NDE1: variants seen among roughly 807,000 people sequenced by gnomAD.
NDE1 encodes nudE neurodevelopment protein 1, also known as nuclear distribution protein nudE homolog 1.
Under a neutral mutation model 43.4 loss-of-function variants are expected in NDE1, and 28 were observed. That is an observed-to-expected ratio of 0.65 (90% confidence interval 0.48 to 0.89). The LOEUF (loss-of-function observed/expected upper bound fraction) is 0.89, where lower values mean the gene tolerates loss of function less well. Among genes scored for constraint, NDE1 ranks in the 40% least tolerant of loss-of-function variants. NDE1 has a pLI of 0.00. For missense variants in NDE1, 441 were observed against 434.1 expected (o/e 1.02, Z -0.14); for synonymous variants, 184 against 172.0 (o/e 1.07, Z -0.55).
At chr16:15,663,140 G>A (rs1317408880) in intron 1 of NDE1, among the ~76,000 whole-genome samples, 1 of 151,838 alleles carries the variant, frequency 6.6e-6, no homozygotes, top group Non-Finnish European at 1.5e-5. Context: ...TTCAACCCAG[G>A]CTTACCAGAC....
At chr16:15,685,950 A>T (rs1321786455) in intron 4 of NDE1, among the ~76,000 whole-genome samples, 1 of 150,760 alleles carries the variant, frequency 6.6e-6, no homozygotes, top group African/African-American at 2.5e-5. Flanking sequence ...TGCTTCCTGT[A>T]GGATTTTTTT....
intron 8 of NDE1, among the ~76,000 whole-genome samples, chr16:15,698,081 C>T (rs1028205901): frequency 2.6e-5 from 4 of 152,110 alleles, no homozygotes; most frequent in Non-Finnish European, 4.4e-5. Context: ...GGATTACAGG[C>T]GTGAGCCACT....
intron 8 of NDE1, chr16:15,704,250 AAC>A (rs747874749): frequency 8.1e-5 from 83 of 1,030,090 alleles, no homozygotes; most frequent in Admixed American, 2.3e-4. Flanking sequence ...TATGGCAGAA[AAC>A]ACACACGGCA....
chr16:15,694,504 C>T, intron 7 of NDE1: 1 of 1,207,704 alleles, frequency 8.3e-7, no homozygotes, highest in Admixed American at 2.6e-5. Context: ...CGCCACTATG[C>T]CTGGCTGATA....
At position 15,699,878 on chromosome 16, in the gene NDE1, C is replaced by T. The variant is rs981747344; in HGVS notation, c.947+3018C>T. 3.1e-6 allele frequency: 4 copies of T among 1,304,268 alleles called. No individual in the cohort carries two copies. In the South Asian group the frequency reaches 3.7e-5, roughly 12 times the overall value. 80.8% of individuals were successfully genotyped at this position (1,304,268 alleles called of 1,614,324 possible). A position where few individuals can be genotyped will look rare whatever the true frequency, so the allele number is the denominator to read the frequency against. On this transcript the variant is annotated intron_variant, in intron 8 of 8. Coordinates refer to ENST00000396354, the MANE Select transcript of NDE1 (RefSeq NM_017668.3). ...TGGTGCGGAAGTCGTTACCTTTTGT[C>T]GTCTTTTTACACTAGGTTTTTGTTT...
At position 15,725,598 on chromosome 16, in the gene NDE1, C is replaced by G. The variant is rs944806352; in HGVS notation, c.*1347C>G. 2.5e-6 allele frequency: 1 copy of G among 406,192 alleles called. No individual in the cohort carries two copies. The highest frequency in any genetic ancestry group is 2.1e-5 in the African/African-American group (1 of 48,664). The allele number at this position is 406,192 out of a possible 1,614,324, so 25.2% of individuals were successfully genotyped here. On this transcript the variant is annotated 3_prime_UTR_variant, in exon 9 of 9. Coordinates refer to ENST00000396354, the MANE Select transcript of NDE1 (RefSeq NM_017668.3). Reference sequence around the variant, plus strand: ...CCTACCCCTCCATCTCTTCCATTGACAAGGAGGATATGAATGATCTTGACA... The same window carrying G: ...CCTACCCCTCCATCTCTTCCATTGAGAAGGAGGATATGAATGATCTTGACA...
chr16:15,718,568 T>G (rs544701948), intron 8 of NDE1: 1 of 1,336,540 alleles, frequency 7.5e-7, no homozygotes, highest in East Asian at 2.5e-5. Context: ...TGGAGAAGAT[T>G]AGAAGACTCA....
intron 8 of NDE1, chr16:15,708,919 A>G: frequency 7.2e-7 from 1 of 1,385,550 alleles, no homozygotes; most frequent in East Asian, 2.4e-5. Flanking sequence ...CTTAATTGTT[A>G]AAGACATTTG....
At chr16:15,716,507 T>C (rs1258271452) in intron 8 of NDE1, among the ~76,000 whole-genome samples, 2 of 151,888 alleles carry the variant, frequency 1.3e-5, no homozygotes, top group Middle Eastern at 3.4e-3. Flanking sequence ...GGACTTTTGT[T>C]TTTTGGGGTT....
intron 1 of NDE1, among the ~76,000 whole-genome samples, chr16:15,656,035 C>T (rs1288748127): frequency 1.3e-5 from 2 of 149,316 alleles, no homozygotes; most frequent in East Asian, 2.0e-4. Flanking sequence ...TGCTAGATGA[C>T]GAGTTAGTGG....
At chr16:15,694,379 T>C (rs1326176548) in intron 7 of NDE1, 123 bp downstream of exon 7, 3 of 1,536,746 alleles carry the variant, frequency 2.0e-6, no homozygotes, top group Admixed American at 2.0e-5. Context: ...AGGGTCTTGC[T>C]CTGTTGCTCA....
At chr16:15,722,697 A>G (rs1274852659) in intron 8 of NDE1, among the ~76,000 whole-genome samples, 1 of 152,214 alleles carries the variant, frequency 6.6e-6, no homozygotes, top group African/African-American at 2.4e-5. Flanking sequence ...AGGGAGGGGT[A>G]GGGAACCTGC....
At chr16:15,710,123 C>T (rs76812671) in intron 8 of NDE1, among the ~76,000 whole-genome samples, 3,447 of 152,228 alleles carry the variant, frequency 0.023, 133 homozygotes, top group African/African-American at 0.079. Context: ...GTATTCGTGT[C>T]GGAACTGGCA....
intron 4 of NDE1, chr16:15,686,430 A>G: frequency 1.0e-6 from 1 of 985,434 alleles, no homozygotes. Flanking sequence ...TGCCCTTCAC[A>G]AGAAGGGGTT....
chr16:15,672,585 G>A (rs1458737115), intron 3 of NDE1: 2 of 152,172 alleles, frequency 1.3e-5, no homozygotes, highest in African/African-American at 4.8e-5. Flanking sequence ...AAGCCTTTAA[G>A]GGACCAAACA....
upstream of NDE1, among the ~76,000 whole-genome samples, chr16:15,649,632 G>C (rs1414382379): frequency 1.3e-5 from 2 of 152,146 alleles, no homozygotes; most frequent in Non-Finnish European, 2.9e-5. Context: ...CCATAATGGC[G>C]TTTTATAGAT....
intron 3 of NDE1, among the ~76,000 whole-genome samples, chr16:15,673,490 C>T (rs560652266): frequency 7.1e-4 from 108 of 152,046 alleles, no homozygotes; most frequent in Non-Finnish European, 1.2e-3. Flanking sequence ...CAGCCGTGCA[C>T]CACTATGCCG....
chr16:15,703,241 T>C (rs1240915145), intron 8 of NDE1: 2 of 214,784 alleles, frequency 9.3e-6, no homozygotes, highest in African/African-American at 4.5e-5. Context: ...TCCTTTTCAA[T>C]TCATGTGACT....
At chr16:15,671,196 A>G (rs2037574956) in intron 3 of NDE1, among the ~76,000 whole-genome samples, 1 of 152,070 alleles carries the variant, frequency 6.6e-6, no homozygotes. Flanking sequence ...AAATTTGTAA[A>G]GCTTCCTGTA....
Sources: allele counts gnomAD v4.1 joint callset (sites outside exome capture counted in the v4.1 genomes callset), GRCh38; gene constraint gnomAD v4.1.1; transcripts MANE v1.5; gene names NCBI Gene and HGNC (gene_info 2026-07-23, HGNC 2026-07-21).